SUCLA2: variants seen among roughly 807,000 people sequenced by gnomAD.
SUCLA2 encodes the protein succinate--CoA ligase [ADP-forming] subunit beta, mitochondrial.
A neutral mutation model predicts 54.8 loss-of-function variants in SUCLA2; 30 were observed. The observed-to-expected ratio is 0.55, with a 90% CI of 0.41 to 0.74. The LOEUF (loss-of-function observed/expected upper bound fraction) is 0.74, where lower values mean the gene tolerates loss of function less well. Among genes scored for constraint, SUCLA2 ranks in the 30% least tolerant of loss-of-function variants. SUCLA2 has a pLI of 0.00. For missense variants in SUCLA2, 476 were observed against 562.9 expected (o/e 0.85, Z 1.56); for synonymous variants, 172 against 188.9 (o/e 0.91, Z 0.74).
intron 2 of SUCLA2, chr13:47,994,869 C>T: frequency 1.0e-6 from 1 of 985,204 alleles, no homozygotes; most frequent in Non-Finnish European, 1.2e-6. Context: ...ACAGTTTATC[C>T]TGCACATATT....
At chr13:47,973,542 T>C (rs559620621) in intron 4 of SUCLA2, 150 bp from the exon 5 acceptor site, 2 of 767,578 alleles carry the variant, frequency 2.6e-6, no homozygotes, top group South Asian at 3.4e-5. Flanking sequence ...TCCTCACATC[T>C]CCAGCACAGT....
At chr13:47,948,765 T>C (rs1418770366) in intron 10 of SUCLA2, among the ~76,000 whole-genome samples, 175 bp downstream of exon 10, 6 of 152,216 alleles carry the variant, frequency 3.9e-5, no homozygotes, top group Admixed American at 3.9e-4. Context: ...ACAGTCCCTC[T>C]GAATAAAGTC....
intron 5 of SUCLA2, among the ~76,000 whole-genome samples, 173 bp from the exon 6 acceptor site, chr13:47,968,906 C>G (rs1342598200): frequency 6.6e-6 from 1 of 152,066 alleles, no homozygotes; most frequent in Admixed American, 6.6e-5. Flanking sequence ...ACTTTTTATT[C>G]AAAATCTTCA....
intron 1 of SUCLA2, chr13:48,000,974 C>T: frequency 7.0e-7 from 1 of 1,420,122 alleles, no homozygotes; most frequent in Non-Finnish European, 9.2e-7. Flanking sequence ...TCCTCGCGGA[C>T]TAAGGGCTGG....
At chr13:47,943,756 G>GTATATA (rs760716282) in intron 10 of SUCLA2, among the ~76,000 whole-genome samples, 45 of 120,530 alleles carry the variant, frequency 3.7e-4, no homozygotes, top group South Asian at 9.7e-4. Context: ...GTGTGTGTGT[G>GTATATA]TGTGTGTGTG....
chr13:47,967,077 A>T (rs977986806), intron 6 of SUCLA2, among the ~76,000 whole-genome samples: 1 of 152,164 alleles, frequency 6.6e-6, no homozygotes, highest in Non-Finnish European at 1.5e-5. Context: ...CTTTGTGTTT[A>T]CAGATCATTA....
chr13:47,943,531 C>G, intron 10 of SUCLA2, 86 bp from the exon 11 acceptor site: 1 of 1,178,474 alleles, frequency 8.5e-7, no homozygotes, highest in South Asian at 1.2e-5. Context: ...TCAATTTTTT[C>G]CATTTAAAAC....
At chr13:47,957,482 G>A (rs1007917516) in intron 6 of SUCLA2, among the ~76,000 whole-genome samples, 3 of 152,170 alleles carry the variant, frequency 2.0e-5, no homozygotes, top group South Asian at 2.1e-4. Context: ...GAAGGTGAGT[G>A]TCAGTCTCTC....
chr13:47,986,726 T>C (rs963186940), intron 4 of SUCLA2, among the ~76,000 whole-genome samples: 3 of 152,320 alleles, frequency 2.0e-5, no homozygotes, highest in East Asian at 1.9e-4. Context: ...CTTTTGTATA[T>C]GGTGTAGGGA....
At chr13:47,997,351 CA>C (rs1279884432) in intron 1 of SUCLA2, among the ~76,000 whole-genome samples, 1 of 151,522 alleles carries the variant, frequency 6.6e-6, no homozygotes, top group Non-Finnish European at 1.5e-5. Context: ...TCCACCAAAC[CA>C]AAAATCCTTC....
At chr13:47,994,302 G>A (rs1246968324) in intron 2 of SUCLA2, among the ~76,000 whole-genome samples, 1 of 151,880 alleles carries the variant, frequency 6.6e-6, no homozygotes. Flanking sequence ...GGGTGCGGTG[G>A]CTCACGCCTG....
intron 4 of SUCLA2, 112 bp downstream of exon 4, chr13:47,988,427 CAG>C (rs1009359359): frequency 4.8e-6 from 6 of 1,240,740 alleles, no homozygotes; most frequent in Non-Finnish European, 6.9e-6. Flanking sequence ...GACATACAAA[CAG>C]ATTATAATTT....
intron 6 of SUCLA2, among the ~76,000 whole-genome samples, chr13:47,961,324 T>G (rs1366893017): frequency 6.6e-6 from 1 of 152,182 alleles, no homozygotes; most frequent in Non-Finnish European, 1.5e-5. Flanking sequence ...CTATCTTTAT[T>G]ACATCTTATT....
At chr13:47,958,170 G>A (rs1258328886) in intron 6 of SUCLA2, among the ~76,000 whole-genome samples, 2 of 152,114 alleles carry the variant, frequency 1.3e-5, no homozygotes, top group East Asian at 3.9e-4. Flanking sequence ...TTTGGAGTCT[G>A]GGGAGGTTTG....
chr13:47,989,128 T>C (rs1344008180), intron 2 of SUCLA2, 147 bp from the exon 3 acceptor site: 2 of 770,886 alleles, frequency 2.6e-6, no homozygotes, highest in African/African-American at 1.7e-5. Context: ...TCTCTTTATG[T>C]AGATTTTCTA....
chr13:47,946,074 CAAGTAA>C (rs2137683615), intron 10 of SUCLA2: 1 of 152,276 alleles, frequency 6.6e-6, no homozygotes, highest in African/African-American at 2.4e-5. Flanking sequence ...TTCATCTCAC[CAAGTAA>C]GCATTTTATC....
Position 47,969,754 on chromosome 13 carries a change from T to C in SUCLA2, c.664-1021A>G, listed in dbSNP as rs149540528. On this transcript the variant is annotated intron_variant, in intron 5 of 10. Transcript: ENST00000646932. ...CAAAAAATCTTAAATTCTTTGAAGA[T>C]GAAGAAGATATTTGCAAAGAGTCAA... Among the ~76,000 whole-genome samples, 7 of 152,286 alleles carry C rather than the reference T, an allele frequency of 4.6e-5. No homozygotes were observed. In the East Asian group the frequency reaches 1.3e-3, roughly 29 times the overall value.
At chr13:47,952,883 C>T (rs1189193163) in intron 8 of SUCLA2, among the ~76,000 whole-genome samples, 3 of 152,178 alleles carry the variant, frequency 2.0e-5, no homozygotes, top group African/African-American at 7.2e-5. Context: ...ATGGCCCTCT[C>T]TGGATTCTAT....
At chr13:47,954,694 T>G in intron 6 of SUCLA2, 137 bp from the exon 7 acceptor site, 1 of 978,992 alleles carries the variant, frequency 1.0e-6, no homozygotes, top group Non-Finnish European at 1.5e-6. Flanking sequence ...CAATTTATGT[T>G]CACTATGAAT....
Sources: gnomAD v4.1 joint callset for allele counts (sites outside exome capture counted in the v4.1 genomes callset) on GRCh38, gnomAD v4.1.1 for gene constraint, MANE v1.5 for transcripts, NCBI Gene and HGNC (gene_info 2026-07-23, HGNC 2026-07-21) for gene names.